The following ZNF682 variants were observed in gnomAD, a reference collection of about 807,000 sequenced individuals.
The protein encoded by ZNF682 is zinc finger protein 682.
Under a neutral mutation model 36.5 loss-of-function variants are expected in ZNF682, and 29 were observed. The observed-to-expected ratio is 0.80, with a 90% CI of 0.59 to 1.08. The LOEUF (loss-of-function observed/expected upper bound fraction) is 1.08. ZNF682 is among the 50% of genes least tolerant of loss of function. The probability of loss-of-function intolerance (pLI) is 0.00; values close to 1 mark genes in which losing one functional copy is unlikely to be tolerated. For missense variants in ZNF682, 561 were observed against 579.7 expected (o/e 0.97, Z 0.33); for synonymous variants, 180 against 197.0 (o/e 0.91, Z 0.72).
chr19:20,017,083 A>C (rs1244568515), intron 3 of ZNF682, among the ~76,000 whole-genome samples: 2 of 152,168 alleles, frequency 1.3e-5, no homozygotes, highest in African/African-American at 4.8e-5. Flanking sequence ...AAGAAAATGA[A>C]AAAGGAATCA....
intron 1 of ZNF682, among the ~76,000 whole-genome samples, chr19:20,025,182 C>T (rs1054782803): frequency 2.6e-5 from 4 of 152,070 alleles, no homozygotes; most frequent in African/African-American, 9.7e-5. Flanking sequence ...GACTAGTAAA[C>T]AAAGATGAGC....
intron 1 of ZNF682, among the ~76,000 whole-genome samples, chr19:20,034,633 C>T (rs1210086224): frequency 2.6e-5 from 4 of 151,784 alleles, no homozygotes; most frequent in Non-Finnish European, 5.9e-5. Context: ...ATTAGCCGGG[C>T]TTGGTGGCGC....
chr19:20,028,467 C>T (rs994663316), intron 1 of ZNF682, among the ~76,000 whole-genome samples: 13 of 152,162 alleles, frequency 8.5e-5, no homozygotes, highest in Admixed American at 4.6e-4. Flanking sequence ...CCTTCTCAGC[C>T]TCCCAAAGTG....
intron 1 of ZNF682, among the ~76,000 whole-genome samples, chr19:20,029,129 C>A (rs1354895443): frequency 6.6e-6 from 1 of 151,784 alleles, no homozygotes; most frequent in African/African-American, 2.4e-5. Context: ...TAGGTGCCTG[C>A]CACCACGGCC....
chr19:20,017,179 A>T (rs1456999892), intron 3 of ZNF682, among the ~76,000 whole-genome samples: 1 of 152,198 alleles, frequency 6.6e-6, no homozygotes, highest in Non-Finnish European at 1.5e-5. Flanking sequence ...CAAGCACAGA[A>T]CGTAATCGAA....
In ZNF682 at chr19:20,005,915, G is replaced by A; in HGVS notation, c.*90C>T. 1 of 1,238,102 alleles carries A rather than the reference G, an allele frequency of 8.1e-7. No individual in the cohort carries two copies. The highest frequency in any genetic ancestry group is 1.1e-6 in the Non-Finnish European group (1 of 886,396). 76.7% of individuals were successfully genotyped at this position (1,238,102 alleles called of 1,614,324 possible). On this transcript the variant is annotated 3_prime_UTR_variant, in exon 4 of 4. Coordinates refer to ENST00000397165, the MANE Select transcript of ZNF682 (RefSeq NM_033196.3). The stretch of plus-strand genomic sequence containing the variant: ...CATTTGTAGTGTTTCTCTCCAGTAT[G>A]AATTATCTTGTGATTTCAATGCCTT...
At chr19:19,995,232 A>G (rs1318970690), downstream of ZNF682, among the ~76,000 whole-genome samples, 1 of 152,224 alleles carries the variant, frequency 6.6e-6, no homozygotes, top group Non-Finnish European at 1.5e-5. Context: ...TGCAGACATA[A>G]TAAGCAAATT....
At chr19:20,017,728 G>C (rs1230163988) in intron 3 of ZNF682, among the ~76,000 whole-genome samples, 1 of 152,004 alleles carries the variant, frequency 6.6e-6, no homozygotes, top group African/African-American at 2.4e-5. Flanking sequence ...CATACAGAAC[G>C]TTCCAGTTAA....
At chr19:19,999,345 T>A (rs1031863658) in intron 3 of ZNF682, among the ~76,000 whole-genome samples, 1 of 152,178 alleles carries the variant, frequency 6.6e-6, no homozygotes, top group Non-Finnish European at 1.5e-5. Flanking sequence ...ACAAAACCTA[T>A]GACTAAAATA....
chr19:20,036,519 T>C (rs569813329), intron 1 of ZNF682, among the ~76,000 whole-genome samples: 14 of 145,664 alleles, frequency 9.6e-5, no homozygotes, highest in African/African-American at 3.6e-4. Context: ...GGCAGGAGAA[T>C]TGCTTGAACC....
intron 3 of ZNF682, among the ~76,000 whole-genome samples, chr19:20,019,175 A>G (rs1362567947): frequency 6.6e-6 from 1 of 152,144 alleles, no homozygotes; most frequent in South Asian, 2.1e-4. Context: ...AGACCAACAC[A>G]AAGTAAAATC....
In ZNF682 at chr19:20,039,351, G is replaced by A; in HGVS notation, c.-6C>T. 6.2e-7 allele frequency: 1 copy of A among 1,612,366 alleles called. No homozygotes were observed. The highest frequency in any genetic ancestry group is 8.5e-7 in the Non-Finnish European group (1 of 1,179,904). On this transcript the variant is annotated 5_prime_UTR_variant, in exon 1 of 4. Coordinates refer to ENST00000397165, the MANE Select transcript of ZNF682 (RefSeq NM_033196.3). ...CGGCCTGGCACACTCACCATTTTTC[G>A]GCTTCCGGGATGTCGTGGAGTCTTA... is the stretch of plus-strand genomic sequence containing the variant.
chr19:19,998,026 A>C (rs1435660628), intron 3 of ZNF682, among the ~76,000 whole-genome samples: 1 of 152,152 alleles, frequency 6.6e-6, no homozygotes, highest in African/African-American at 2.4e-5. Context: ...TCCCCCATGC[A>C]TTCACTTAGC....
At chr19:20,002,121 T>G (rs898477636), downstream of ZNF682, among the ~76,000 whole-genome samples, 52 of 152,224 alleles carry the variant, frequency 3.4e-4, 1 homozygote, top group African/African-American at 1.0e-3. Context: ...GAGTCTCTGT[T>G]GCCCAGGCTG....
At chr19:20,035,658 A>G (rs571615406) in intron 1 of ZNF682, among the ~76,000 whole-genome samples, 16 of 152,354 alleles carry the variant, frequency 1.1e-4, no homozygotes, top group African/African-American at 3.8e-4. Flanking sequence ...AAGAATACAG[A>G]ATATCAAAAT....
At chr19:20,038,984 C>A (rs1027722385) in intron 1 of ZNF682, among the ~76,000 whole-genome samples, 2 of 152,172 alleles carry the variant, frequency 1.3e-5, no homozygotes, top group Non-Finnish European at 2.9e-5. Flanking sequence ...GACTGAGGAC[C>A]CCCGGGATCA....
chr19:20,036,108 TTAAAA>T (rs1309217311), intron 1 of ZNF682, among the ~76,000 whole-genome samples: 2 of 152,268 alleles, frequency 1.3e-5, no homozygotes, highest in Admixed American at 6.5e-5. Context: ...CCAACTGTTC[TTAAAA>T]TATAAATAGA....
intron 1 of ZNF682, among the ~76,000 whole-genome samples, chr19:20,026,072 G>A (rs556325452): frequency 2.0e-5 from 3 of 152,146 alleles, no homozygotes; most frequent in Non-Finnish European, 4.4e-5. Context: ...GGAGGCTGAG[G>A]CGGGTGGATC....
At chr19:19,995,723 C>T (rs1244715623), downstream of ZNF682, among the ~76,000 whole-genome samples, 1 of 150,946 alleles carries the variant, frequency 6.6e-6, no homozygotes, top group Non-Finnish European at 1.5e-5. Context: ...AGGCTGGGCT[C>T]CAGAGTTGGC....
Sources: allele counts gnomAD v4.1 joint callset (sites outside exome capture counted in the v4.1 genomes callset), GRCh38; gene constraint gnomAD v4.1.1; transcripts MANE v1.5; gene names NCBI Gene and HGNC (gene_info 2026-07-23, HGNC 2026-07-21).